ADAMTS5: variants seen among roughly 807,000 people sequenced by gnomAD.
ADAMTS5 encodes the protein A disintegrin and metalloproteinase with thrombospondin motifs 5.
ADAMTS5 carries 54 observed loss-of-function variants against 81.4 expected under a neutral mutation model. That is an observed-to-expected ratio of 0.66 (90% CI 0.53 to 0.83). The LOEUF (loss-of-function observed/expected upper bound fraction) is 0.83. Ranked by LOEUF, ADAMTS5 falls within the 40% of genes least tolerant of loss-of-function variation. The pLI is 0.00. For synonymous variants in ADAMTS5, 532 were observed against 508.8 expected (o/e 1.05, Z -0.61); for missense variants, 1,194 against 1,229.9 (o/e 0.97, Z 0.44).
At chr21:26,931,825 T>A (rs1299571368) in intron 6 of ADAMTS5, among the ~76,000 whole-genome samples, 179 bp downstream of exon 6, 1 of 152,250 alleles carries the variant, frequency 6.6e-6, no homozygotes, top group Non-Finnish European at 1.5e-5. Flanking sequence ...TATAAAATAA[T>A]TTTTATTCAT....
chr21:26,935,163 G>C (rs903909772), intron 3 of ADAMTS5, among the ~76,000 whole-genome samples: 2 of 152,146 alleles, frequency 1.3e-5, no homozygotes, highest in African/African-American at 4.8e-5. Context: ...TTGAGAAACA[G>C]AGTTTGTCCT....
chr21:26,954,706 A>C, intron 2 of ADAMTS5, 33 bp downstream of exon 2: 1 of 1,608,340 alleles, frequency 6.2e-7, no homozygotes, highest in Middle Eastern at 1.7e-4. Flanking sequence ...CAAGTGTTTG[A>C]TTTGGTGAGG....
At chr21:26,964,581 C>T (rs1413733897) in intron 1 of ADAMTS5, among the ~76,000 whole-genome samples, 1 of 152,188 alleles carries the variant, frequency 6.6e-6, no homozygotes, top group East Asian at 1.9e-4. Flanking sequence ...GTGCTTGCGA[C>T]GCACTGGTCG....
intron 7 of ADAMTS5, 49 bp from the exon 8 acceptor site, chr21:26,924,669 G>C: frequency 6.8e-7 from 1 of 1,461,790 alleles, no homozygotes; most frequent in Non-Finnish European, 9.2e-7. Context: ...GTTAAAAAAA[G>C]GGAGAAAAAA....
chr21:26,965,281 G>A lies in ADAMTS5; in HGVS notation c.1104+7C>T. On this transcript the variant is annotated splice_region_variant and intron_variant, in intron 1 of 7. Coordinates refer to ENST00000284987, the MANE Select transcript of ADAMTS5 (RefSeq NM_007038.5). ...CGCTGGGACCCCCGCATCCCGGCTG[G>A]ACCTACCTCCCGAGTAAACAGGATA... is the stretch of plus-strand genomic sequence containing the variant. 1 of 1,603,892 alleles carries A rather than the reference G, an allele frequency of 6.2e-7. No individual in the cohort carries two copies. The highest frequency in any genetic ancestry group is 8.5e-7 in the Non-Finnish European group (1 of 1,172,626).
chr21:26,931,380 T>C (rs1343930422), intron 6 of ADAMTS5, among the ~76,000 whole-genome samples: 1 of 152,182 alleles, frequency 6.6e-6, no homozygotes, highest in African/African-American at 2.4e-5. Context: ...GTTTACAAAT[T>C]TGTAAATTGC....
In ADAMTS5 at chr21:26,920,110, A is replaced by G. The variant is rs985803670; in HGVS notation, c.*3943T>C. 1.3e-5 allele frequency: 2 copies of G among 152,172 alleles called. No individual in the cohort carries two copies. The highest frequency in any genetic ancestry group is 2.1e-4 in the South Asian group (1 of 4,834). 9.4% of individuals were successfully genotyped at this position (152,172 alleles called of 1,614,324 possible). ...AAAAATTTGATCATTATTAAATTCA[A>G]TGTTATTTGACAGTGTGAACTCTAT... On this transcript the variant is annotated 3_prime_UTR_variant, in exon 8 of 8. Coordinates refer to ENST00000284987, the MANE Select transcript of ADAMTS5 (RefSeq NM_007038.5).
Position 26,966,287 on chromosome 21 carries a change from C to T in ADAMTS5, c.105G>A (p.Pro35=), listed in dbSNP as rs905662596. ...GGGGCTGGGCGGCTGCTGCAGCAGT[C>T]GGAGGCTGCCCGGCTTTATCCTGGG... The part of the protein sequence containing the change: ...TPAQDKAGQP[P]TAAAAAQPRR... The change falls in exon 1 of 8, where the codon CCG becomes CCA. Residue 35 remains proline, a synonymous_variant. Transcript: ENST00000284987. 8 of 1,551,360 alleles carry T rather than the reference C, an allele frequency of 5.2e-6. No individual in the cohort carries two copies. The highest frequency in any genetic ancestry group is 2.4e-5 in the East Asian group (1 of 41,708).
rs777534375 is a variant in ADAMTS5 at position 26,966,259 on chromosome 21, G to A, written c.133C>T (p.Arg45Trp). The change falls in exon 1 of 8, where the codon CGG (arginine) becomes TGG (tryptophan). Residue 45 changes from arginine (R) to tryptophan (W), a missense_variant. By Grantham distance (101) the Arg-to-Trp change is moderately radical. Coordinates refer to ENST00000284987, the MANE Select transcript of ADAMTS5 (RefSeq NM_007038.5). ...PTAAAAAQPRRRQGEEVQERA... is the reference protein window; with the variant it reads ...PTAAAAAQPRWRQGEEVQERA... The stretch of plus-strand genomic sequence containing the variant: ...TCCTGCACCTCCTCCCCCTGCCGCC[G>A]GCGGGGCTGGGCGGCTGCTGCAGCA... 9.5e-6 allele frequency: 15 copies of A among 1,580,444 alleles called. No individual in the cohort carries two copies. The South Asian group carries it at 1.7e-4, about 18-fold the overall frequency.
chr21:26,934,275 A>C (rs1986968567), intron 4 of ADAMTS5, among the ~76,000 whole-genome samples, 191 bp downstream of exon 4: 1 of 152,198 alleles, frequency 6.6e-6, no homozygotes, highest in Admixed American at 6.5e-5. Flanking sequence ...CAGTATCTGC[A>C]TTTTCCCCAG....
Position 26,923,752 on chromosome 21 carries a change from G to T in ADAMTS5, c.*301C>A. On this transcript the variant is annotated 3_prime_UTR_variant, in exon 8 of 8. Transcript: ENST00000284987. ...ACATTCTATCAGAGGTAGGTGACAAGGGGGAGACAGTTCTGCCATCTTCAA... is the reference window on the plus strand; with the variant it reads ...ACATTCTATCAGAGGTAGGTGACAATGGGGAGACAGTTCTGCCATCTTCAA... 1 of 302,690 alleles carries T rather than the reference G, an allele frequency of 3.3e-6. No individual in the cohort carries two copies. Among genetic ancestry groups the T allele is most frequent in the East Asian group, 5.8e-5 (1 of 17,214 alleles). 18.8% of individuals were successfully genotyped at this position (302,690 alleles called of 1,614,324 possible).
chr21:26,940,774 T>C (rs1987100278), intron 3 of ADAMTS5, among the ~76,000 whole-genome samples: 1 of 152,150 alleles, frequency 6.6e-6, no homozygotes, highest in South Asian at 2.1e-4. Context: ...TGTTATTCTA[T>C]CATCTTGGAC....
At chr21:26,928,523 G>C (rs2123168248) in intron 7 of ADAMTS5, among the ~76,000 whole-genome samples, 1 of 152,260 alleles carries the variant, frequency 6.6e-6, no homozygotes, top group South Asian at 2.1e-4. Context: ...AAGAGAATAT[G>C]TACCATAAAG....
At chr21:26,948,946 T>C (rs1987266456) in intron 2 of ADAMTS5, among the ~76,000 whole-genome samples, 1 of 152,106 alleles carries the variant, frequency 6.6e-6, no homozygotes. Context: ...ATTCTCTCTC[T>C]TGGGTGACCC....
intron 2 of ADAMTS5, among the ~76,000 whole-genome samples, chr21:26,951,578 C>T (rs922655608): frequency 6.7e-6 from 1 of 148,394 alleles, no homozygotes; most frequent in African/African-American, 2.5e-5. Flanking sequence ...GCTTGGGGGG[C>T]TGAGGCAGGA....
intron 1 of ADAMTS5, among the ~76,000 whole-genome samples, chr21:26,964,769 C>T (rs1222931629): frequency 6.6e-6 from 1 of 152,222 alleles, no homozygotes; most frequent in Admixed American, 6.5e-5. Context: ...AAAGTTTTCT[C>T]ATCCTCTGTG....
chr21:26,961,925 G>A (rs1987536104), intron 1 of ADAMTS5, among the ~76,000 whole-genome samples: 1 of 152,142 alleles, frequency 6.6e-6, no homozygotes, highest in Admixed American at 6.5e-5. Context: ...GAGCCACGTG[G>A]TAAAGGAGAA....
At chr21:26,964,978 T>C (rs907382881) in intron 1 of ADAMTS5, among the ~76,000 whole-genome samples, 2 of 152,224 alleles carry the variant, frequency 1.3e-5, no homozygotes, top group African/African-American at 4.8e-5. Flanking sequence ...AACTGTATCA[T>C]TTCCCCAAGC....
intron 7 of ADAMTS5, 87 bp downstream of exon 7, chr21:26,929,799 G>A: frequency 7.4e-7 from 1 of 1,346,456 alleles, no homozygotes; most frequent in East Asian, 2.3e-5. Context: ...GATAGCTTAT[G>A]ATGTAATATG....
Sources: allele counts gnomAD v4.1 joint callset (sites outside exome capture counted in the v4.1 genomes callset), GRCh38; gene constraint gnomAD v4.1.1; transcripts MANE v1.5; gene names NCBI Gene and HGNC (gene_info 2026-07-23, HGNC 2026-07-21).